FNBP1L: variants seen among roughly 807,000 people sequenced by gnomAD.
The protein encoded by FNBP1L is formin binding protein 1 like.
In FNBP1L, 36 loss-of-function variants were observed where a neutral mutation model predicts 91.2. The observed-to-expected ratio is 0.39, with a 90% CI of 0.30 to 0.52. FNBP1L has a LOEUF of 0.52. FNBP1L is among the 20% of genes least tolerant of loss of function. The probability of loss-of-function intolerance (pLI) is 0.66; values close to 1 mark genes in which losing one functional copy is unlikely to be tolerated. For synonymous variants in FNBP1L, 242 were observed against 237.0 expected (o/e 1.02, Z -0.19); for missense variants, 571 against 732.1 (o/e 0.78, Z 2.54).
chr1:93,536,968 T>C (rs918851195), intron 10 of FNBP1L, among the ~76,000 whole-genome samples: 1 of 152,042 alleles, frequency 6.6e-6, no homozygotes, highest in African/African-American at 2.4e-5. Context: ...AAATTAAAGA[T>C]AGGCATTTTA....
At chr1:93,542,247 T>C (rs1035227767) in intron 11 of FNBP1L, among the ~76,000 whole-genome samples, 2 of 151,974 alleles carry the variant, frequency 1.3e-5, no homozygotes, top group African/African-American at 4.8e-5. Flanking sequence ...ATCACTCAAC[T>C]GCATTCCATT....
At chr1:93,466,515 T>C (rs1469023993) in intron 1 of FNBP1L, among the ~76,000 whole-genome samples, 1 of 152,182 alleles carries the variant, frequency 6.6e-6, no homozygotes, top group East Asian at 1.9e-4. Flanking sequence ...TGGTTGCAGA[T>C]GTGTGGTGTT....
At chr1:93,493,796 C>T (rs1302301826) in intron 1 of FNBP1L, among the ~76,000 whole-genome samples, 1 of 152,056 alleles carries the variant, frequency 6.6e-6, no homozygotes, top group Admixed American at 6.6e-5. Context: ...TTCCATAATG[C>T]TGCTATGATA....
intron 1 of FNBP1L, among the ~76,000 whole-genome samples, chr1:93,451,777 G>A (rs1344546790): frequency 1.3e-5 from 2 of 151,848 alleles, no homozygotes; most frequent in Non-Finnish European, 1.5e-5. Context: ...TCAGCCCCCC[G>A]AGTAGCTGGG....
chr1:93,503,087 A>G (rs1670490161), intron 2 of FNBP1L, among the ~76,000 whole-genome samples: 1 of 152,094 alleles, frequency 6.6e-6, no homozygotes, highest in African/African-American at 2.4e-5. Flanking sequence ...CTCCTAAATA[A>G]TATTATATTA....
intron 2 of FNBP1L, among the ~76,000 whole-genome samples, chr1:93,505,113 T>TTC: frequency 6.7e-6 from 1 of 148,614 alleles, no homozygotes; most frequent in East Asian, 1.9e-4. Flanking sequence ...CTTCATTCTT[T>TTC]TTTTTTTTTT....
At position 93,448,145 on chromosome 1, in the gene FNBP1L, G is replaced by T. The variant is rs567363237; in HGVS notation, c.-137G>T. 1.4e-5 allele frequency: 16 copies of T among 1,109,730 alleles called. No individual in the cohort carries two copies. In the East Asian group the frequency reaches 3.2e-4, roughly 22 times the overall value. The allele number at this position is 1,109,730 out of a possible 1,614,324, so 68.7% of individuals were successfully genotyped here. A position where few individuals can be genotyped will look rare whatever the true frequency, so the allele number is the denominator to read the frequency against. On this transcript the variant is annotated 5_prime_UTR_variant, in exon 1 of 17. Coordinates refer to ENST00000271234, the MANE Select transcript of FNBP1L (RefSeq NM_001164473.3). ...TCGCGTCTTTCTCACTCACTGGGGA[G>T]CCCGGCGGTGGCGGCACCTTTCGAG...
Position 93,534,747 on chromosome 1 carries a change from C to A in FNBP1L, c.829C>A (p.Pro277Thr), listed in dbSNP as rs1188890368. Reference sequence around the variant, plus strand: ...AGACTCCTTCAAATCTGGTTTTGAACCTCCAGGAGACTTTCCATTTGAAGA... The same window carrying A: ...AGACTCCTTCAAATCTGGTTTTGAAACTCCAGGAGACTTTCCATTTGAAGA... ...VVDSFKSGFEPPGDFPFEDYS... is the reference protein window; with the variant it reads ...VVDSFKSGFETPGDFPFEDYS... Residue 277 changes from proline to threonine, a missense_variant, in exon 9 of 17, where the codon CCT (proline) becomes ACT (threonine). Physicochemically the swap from Pro to Thr is conservative, Grantham distance 38. This residue lies in a region of FNBP1L where 8 missense variants were observed against 24.9 expected (regional missense o/e 0.32). Transcript: ENST00000271234. 1 of 1,572,496 alleles carries A rather than the reference C, an allele frequency of 6.4e-7. No homozygotes were observed. Among genetic ancestry groups the A allele is most frequent in the Non-Finnish European group, 8.6e-7 (1 of 1,156,436 alleles).
intron 10 of FNBP1L, among the ~76,000 whole-genome samples, chr1:93,539,354 A>G (rs1312577616): frequency 6.6e-6 from 1 of 151,916 alleles, no homozygotes; most frequent in Non-Finnish European, 1.5e-5. Context: ...ATATAATTGT[A>G]TATGAGAATA....
chr1:93,548,540 G>A (rs1009066118), intron 14 of FNBP1L, among the ~76,000 whole-genome samples: 3 of 152,088 alleles, frequency 2.0e-5, no homozygotes, highest in East Asian at 1.9e-4. Context: ...GTGACAGAAT[G>A]AATACTTTAC....
intron 1 of FNBP1L, among the ~76,000 whole-genome samples, chr1:93,450,784 A>G (rs1348057846): frequency 6.6e-6 from 1 of 152,220 alleles, no homozygotes; most frequent in East Asian, 1.9e-4. Context: ...AATGATATGT[A>G]GCCATGCACT....
intron 1 of FNBP1L, among the ~76,000 whole-genome samples, chr1:93,461,603 G>A (rs1480286456): frequency 6.6e-6 from 1 of 151,718 alleles, no homozygotes; most frequent in African/African-American, 2.4e-5. Flanking sequence ...TATCACAAAT[G>A]CAAAAGCTTT....
chr1:93,468,780 A>G (rs1387657629), intron 1 of FNBP1L, among the ~76,000 whole-genome samples: 3 of 152,092 alleles, frequency 2.0e-5, no homozygotes, highest in African/African-American at 7.2e-5. Flanking sequence ...TTGGGTATAT[A>G]CTTAACAGTA....
chr1:93,457,801 A>AAT (rs1668718827), intron 1 of FNBP1L, among the ~76,000 whole-genome samples: 5 of 141,228 alleles, frequency 3.5e-5, no homozygotes, highest in African/African-American at 1.5e-4. Flanking sequence ...ATTATTATTA[A>AAT]TTTTTTTTGA....
chr1:93,475,860 T>C (rs1669475886), intron 1 of FNBP1L, among the ~76,000 whole-genome samples: 1 of 152,208 alleles, frequency 6.6e-6, no homozygotes, highest in East Asian at 1.9e-4. Flanking sequence ...TTACTAACTT[T>C]ACAGAGTTGT....
At chr1:93,499,044 T>G (rs1239305855) in intron 1 of FNBP1L, among the ~76,000 whole-genome samples, 1 of 152,160 alleles carries the variant, frequency 6.6e-6, no homozygotes, top group Non-Finnish European at 1.5e-5. Flanking sequence ...GAATGACACA[T>G]GATTCTGGCC....
At chr1:93,529,608 C>A in intron 5 of FNBP1L, 44 bp from the exon 6 acceptor site, 1 of 1,166,928 alleles carries the variant, frequency 8.6e-7, no homozygotes, top group Non-Finnish European at 1.2e-6. Context: ...ATGAAGTTAG[C>A]CTGATTTTAT....
chr1:93,476,989 T>C (rs2101703713), intron 1 of FNBP1L, among the ~76,000 whole-genome samples: 1 of 152,294 alleles, frequency 6.6e-6, no homozygotes, highest in South Asian at 2.1e-4. Context: ...TTGCCCAAGG[T>C]GACACAGCTA....
intron 1 of FNBP1L, among the ~76,000 whole-genome samples, chr1:93,457,920 T>C (rs1266005064): frequency 6.6e-6 from 1 of 151,450 alleles, no homozygotes; most frequent in African/African-American, 2.4e-5. Context: ...GCCTCCCGAG[T>C]AGCTGGGACT....
Sources: gnomAD v4.1 joint callset for allele counts (sites outside exome capture counted in the v4.1 genomes callset) on GRCh38, gnomAD v4.1.1 for gene constraint, gnomAD v4.1.1 regional missense constraint, MANE v1.5 for transcripts, NCBI Gene and HGNC (gene_info 2026-07-23, HGNC 2026-07-21) for gene names.